The following FBXO45 variants were observed in gnomAD, a reference collection of about 807,000 sequenced individuals.
FBXO45 encodes F-box/SPRY domain-containing protein 1.
Under a neutral mutation model 25.5 loss-of-function variants are expected in FBXO45, and 3 were observed. The ratio of observed to expected loss-of-function variants is 0.12; its 90% confidence interval spans 0.05 to 0.30. FBXO45 has a LOEUF of 0.30. Ranked by LOEUF, FBXO45 falls within the 10% of genes least tolerant of loss-of-function variation. The pLI is 1.00. For missense variants in FBXO45, 219 were observed against 365.0 expected (o/e 0.60, Z 3.26); for synonymous variants, 155 against 149.8 (o/e 1.03, Z -0.25).
intron 2 of FBXO45, among the ~76,000 whole-genome samples, chr3:196,578,608 C>T (rs1735957174): frequency 6.6e-6 from 1 of 151,820 alleles, no homozygotes; most frequent in Admixed American, 6.6e-5. Flanking sequence ...CGTAAATGAA[C>T]GAACATGGCT....
intron 1 of FBXO45, among the ~76,000 whole-genome samples, chr3:196,570,873 G>A (rs1006806315): frequency 6.6e-6 from 1 of 151,936 alleles, no homozygotes; most frequent in African/African-American, 2.4e-5. Context: ...CACCACGCCC[G>A]GCTAATTTTT....
intron 2 of FBXO45, among the ~76,000 whole-genome samples, chr3:196,579,020 C>CT (rs1735964563): frequency 6.6e-6 from 1 of 152,160 alleles, no homozygotes; most frequent in African/African-American, 2.4e-5. Context: ...TTCAAAGCCC[C>CT]TGGAGGCATC....
intron 2 of FBXO45, among the ~76,000 whole-genome samples, chr3:196,581,799 T>C (rs911775812): frequency 1.3e-5 from 2 of 151,900 alleles, no homozygotes; most frequent in African/African-American, 4.8e-5. Flanking sequence ...AACTCCTGAA[T>C]GTTTTGTTTC....
intron 2 of FBXO45, 45 bp downstream of exon 2, chr3:196,577,854 A>T (rs772608595): frequency 3.2e-6 from 4 of 1,246,448 alleles, no homozygotes; most frequent in Non-Finnish European, 4.3e-6. Context: ...TTGTCAAATC[A>T]CGCCTTAATT....
chr3:196,583,843 A>G (rs1220013115), intron 2 of FBXO45, among the ~76,000 whole-genome samples: 2 of 152,164 alleles, frequency 1.3e-5, no homozygotes, highest in Non-Finnish European at 2.9e-5. Context: ...TTTAATAGAG[A>G]TGGGTTTTCA....
Position 196,569,699 on chromosome 3 carries a change from T to G in FBXO45, c.318+397T>G, listed in dbSNP as rs1735753184. ...CTTAACATGGGCTTAGTTTCTAAGTTTCTAAGTTTCTAGTTTGCTTTCACT... is the reference window on the plus strand; with the variant it reads ...CTTAACATGGGCTTAGTTTCTAAGTGTCTAAGTTTCTAGTTTGCTTTCACT... On this transcript the variant is annotated intron_variant, in intron 1 of 2. Coordinates refer to ENST00000311630, the MANE Select transcript of FBXO45 (RefSeq NM_001105573.2). The surrounding 1 kb of genome is among the most constrained non-coding windows in gnomAD (Gnocchi z 4.1). Among the ~76,000 whole-genome samples the G allele has an allele frequency of 6.6e-6, 1 of 152,244 alleles. No homozygotes were observed. The highest frequency in any genetic ancestry group is 2.4e-5 in the African/African-American group (1 of 41,462).
chr3:196,582,421 G>T (rs35827219), intron 2 of FBXO45, among the ~76,000 whole-genome samples: 34,322 of 152,044 alleles, frequency 0.23, 4,776 homozygotes, highest in East Asian at 0.65. Flanking sequence ...GGGTTAATCT[G>T]TGAGGTGGGC....
chr3:196,579,936 G>GACC (rs1311140701), intron 2 of FBXO45, among the ~76,000 whole-genome samples: 1 of 151,652 alleles, frequency 6.6e-6, no homozygotes, highest in Admixed American at 6.6e-5. Flanking sequence ...ATTTAAAGTG[G>GACC]AGCTCCTACA....
chr3:196,575,106 A>G (rs1322752892), intron 1 of FBXO45, among the ~76,000 whole-genome samples: 1 of 152,212 alleles, frequency 6.6e-6, no homozygotes, highest in Non-Finnish European at 1.5e-5. Context: ...GGTGGTCACC[A>G]AAAAAGGAAA....
Position 196,568,861 on chromosome 3 carries a change from G to A in FBXO45, c.-124G>A, listed in dbSNP as rs1202119803. The stretch of plus-strand genomic sequence containing the variant: ...AGGGGCGGGAGTGGTGGAGGCGCCG[G>A]CGGTTGGCACTGACAGGGGCGGTGA... On this transcript the variant is annotated 5_prime_UTR_variant, in exon 1 of 3. Coordinates refer to ENST00000311630, the MANE Select transcript of FBXO45 (RefSeq NM_001105573.2). 7.1e-6 allele frequency: 5 copies of A among 703,744 alleles called. No homozygotes were observed. The African/African-American group carries it at 9.6e-5, about 14-fold the overall frequency. 43.6% of individuals were successfully genotyped at this position (703,744 alleles called of 1,614,324 possible).
intron 2 of FBXO45, among the ~76,000 whole-genome samples, chr3:196,578,967 T>G (rs1466108184): frequency 6.6e-6 from 1 of 152,200 alleles, no homozygotes; most frequent in Non-Finnish European, 1.5e-5. Context: ...TCTAGGCTCC[T>G]TACCCCAGTA....
intron 1 of FBXO45, among the ~76,000 whole-genome samples, chr3:196,571,933 G>C (rs1735832279): frequency 6.6e-6 from 1 of 152,200 alleles, no homozygotes; most frequent in African/African-American, 2.4e-5. Context: ...CAGTCTAGTA[G>C]AGGAGAGAAA....
Position 196,577,373 on chromosome 3 carries a change from A to G in FBXO45, c.319-80A>G, listed in dbSNP as rs576185048. ...ATATAACTTCGTTATTTAAAAACAT[A>G]CAGCGTGAAGTTTGGGTAATTTTTA... On this transcript the variant is annotated intron_variant, in intron 1 of 2. Transcript: ENST00000311630. The G allele has an allele frequency of 5.7e-6, 6 of 1,056,252 alleles. No homozygotes were observed. In the Admixed American group the frequency reaches 1.8e-4, roughly 31 times the overall value. 65.4% of individuals were successfully genotyped at this position (1,056,252 alleles called of 1,614,324 possible). A position where few individuals can be genotyped will look rare whatever the true frequency, so the allele number is the denominator to read the frequency against.
In FBXO45 at chr3:196,568,935, G is replaced by C. The variant is rs1444285466; in HGVS notation, c.-50G>C. The C allele has an allele frequency of 1.0e-6, 1 of 986,094 alleles. No homozygotes were observed. Among genetic ancestry groups the C allele is most frequent in the Non-Finnish European group, 1.2e-6 (1 of 829,030 alleles). 61.1% of individuals were successfully genotyped at this position (986,094 alleles called of 1,614,324 possible). On this transcript the variant is annotated 5_prime_UTR_variant, in exon 1 of 3. Coordinates refer to ENST00000311630, the MANE Select transcript of FBXO45 (RefSeq NM_001105573.2). Reference sequence around the variant, plus strand: ...GAGGCTTGGCCTTCCGAGCAGAGACGGCGGGAAGCGGCGGCGGCAGCGGCG... The same window carrying C: ...GAGGCTTGGCCTTCCGAGCAGAGACCGCGGGAAGCGGCGGCGGCAGCGGCG...
intron 2 of FBXO45, among the ~76,000 whole-genome samples, chr3:196,578,512 CT>C (rs74362922): frequency 0.19 from 28,722 of 148,432 alleles, 3,634 homozygotes; most frequent in East Asian, 0.6. Context: ...TCTGTCACAA[CT>C]TTTTTTTTTT....
rs966947507 is a variant in FBXO45 at position 196,568,675 on chromosome 3, C to T, written c.-310C>T. The T allele has an allele frequency of 6.6e-6, 1 of 152,340 alleles. No individual in the cohort carries two copies. The highest frequency in any genetic ancestry group is 6.5e-5 in the Admixed American group (1 of 15,296). The allele number at this position is 152,340 out of a possible 1,614,324, so 9.4% of individuals were successfully genotyped here. ...CTGGGCGTGCGCCCTTGCTTCGTGCCCTCAACCCGCATGGCGGAGCCGCTG... is the reference window on the plus strand; with the variant it reads ...CTGGGCGTGCGCCCTTGCTTCGTGCTCTCAACCCGCATGGCGGAGCCGCTG... On this transcript the variant is annotated 5_prime_UTR_variant, in exon 1 of 3. Transcript: ENST00000311630.
chr3:196,572,829 T>C (rs12485589), intron 1 of FBXO45, among the ~76,000 whole-genome samples: 2 of 152,106 alleles, frequency 1.3e-5, no homozygotes, highest in Admixed American at 1.3e-4. Context: ...GTAAAATCTA[T>C]AGAATTGGCA....
chr3:196,582,074 C>T (rs7648453), intron 2 of FBXO45, among the ~76,000 whole-genome samples: 2 of 152,008 alleles, frequency 1.3e-5, no homozygotes, highest in Admixed American at 1.3e-4. Flanking sequence ...AGTTCCTCCT[C>T]TAAGTTTCCA....
rs1273076088 is a variant in FBXO45 at position 196,586,189 on chromosome 3, T to G, written c.*1871T>G. On this transcript the variant is annotated 3_prime_UTR_variant, in exon 3 of 3. Coordinates refer to ENST00000311630, the MANE Select transcript of FBXO45 (RefSeq NM_001105573.2). ...AAATTTGATTAAACAAGAGAAGTGGTTCAGGTTGAAGATGGACTTGTTAGG... is the reference window on the plus strand; with the variant it reads ...AAATTTGATTAAACAAGAGAAGTGGGTCAGGTTGAAGATGGACTTGTTAGG... 1.3e-5 allele frequency: 2 copies of G among 152,190 alleles called. No individual in the cohort carries two copies. The highest frequency in any genetic ancestry group is 1.5e-5 in the Non-Finnish European group (1 of 68,032). The allele number at this position is 152,190 out of a possible 1,614,324, so 9.4% of individuals were successfully genotyped here. A position where few individuals can be genotyped will look rare whatever the true frequency, so the allele number is the denominator to read the frequency against.
Sources: gnomAD v4.1 joint callset for allele counts (sites outside exome capture counted in the v4.1 genomes callset) on GRCh38, gnomAD v4.1.1 for gene constraint, Gnocchi (gnomAD v3.1) non-coding constraint, MANE v1.5 for transcripts, NCBI Gene and HGNC (gene_info 2026-07-23, HGNC 2026-07-21) for gene names.